Variants in DPP10 observed in about 807,000 individuals in gnomAD.
DPP10 encodes the protein inactive dipeptidyl peptidase 10.
A neutral mutation model predicts 120.9 loss-of-function variants in DPP10; 33 were observed. The ratio of observed to expected loss-of-function variants is 0.27; its 90% confidence interval spans 0.21 to 0.37. The LOEUF is 0.37. Among genes scored for constraint, DPP10 ranks in the 10% least tolerant of loss-of-function variants. The pLI is 1.00. For synonymous variants in DPP10, 337 were observed against 326.1 expected (o/e 1.03, Z -0.36); for missense variants, 816 against 942.8 (o/e 0.87, Z 1.76).
At chr2:114,884,257 G>A (rs973842919) in intron 1 of DPP10, among the ~76,000 whole-genome samples, 3 of 152,164 alleles carry the variant, frequency 2.0e-5, no homozygotes, top group African/African-American at 7.2e-5. Context: ...TCGTGAGATT[G>A]CTGTCAATAT....
intron 5 of DPP10, among the ~76,000 whole-genome samples, chr2:115,657,589 C>G (rs968971513): frequency 6.6e-6 from 1 of 151,706 alleles, no homozygotes; most frequent in Non-Finnish European, 1.5e-5. Context: ...TTCTAATGCT[C>G]AACCACCATT....
intron 1 of DPP10, chr2:114,461,478 T>A: frequency 1.4e-6 from 1 of 693,270 alleles, no homozygotes; most frequent in Non-Finnish European, 1.8e-6. Flanking sequence ...TACTTAGGAT[T>A]TGATTACCTG....
intron 5 of DPP10, among the ~76,000 whole-genome samples, chr2:115,616,227 G>A (rs760496811): frequency 3.6e-4 from 55 of 152,056 alleles, no homozygotes; most frequent in Admixed American, 1.2e-3. Context: ...CACTTTGTCA[G>A]TAAATAAATA....
At chr2:115,252,292 A>G (rs2058789832) in intron 1 of DPP10, among the ~76,000 whole-genome samples, 1 of 152,192 alleles carries the variant, frequency 6.6e-6, no homozygotes, top group Non-Finnish European at 1.5e-5. Flanking sequence ...CAGAGAACTC[A>G]TCCCTGTCCC....
At chr2:115,471,026 ATATCT>A (rs1385982598) in intron 3 of DPP10, among the ~76,000 whole-genome samples, 1 of 152,162 alleles carries the variant, frequency 6.6e-6, no homozygotes, top group Non-Finnish European at 1.5e-5. Context: ...TAAGTGATAA[ATATCT>A]TATGAGTTTT....
chr2:115,263,205 G>A, intron 1 of DPP10, among the ~76,000 whole-genome samples: 1 of 152,132 alleles, frequency 6.6e-6, no homozygotes. Context: ...GTATTAAAAT[G>A]TTTTAAATTT....
At chr2:114,848,700 G>A (rs1228097078) in intron 1 of DPP10, among the ~76,000 whole-genome samples, 1 of 152,196 alleles carries the variant, frequency 6.6e-6, no homozygotes, top group African/African-American at 2.4e-5. Flanking sequence ...TGGCTTATCA[G>A]AGGTTTGTTT....
At chr2:114,537,208 T>C (rs1686574525) in intron 1 of DPP10, among the ~76,000 whole-genome samples, 1 of 152,116 alleles carries the variant, frequency 6.6e-6, no homozygotes, top group Admixed American at 6.5e-5. Flanking sequence ...AGCTCAGGGA[T>C]GTGAGTTGGA....
chr2:115,838,939 C>T (rs1414981783), intron 24 of DPP10, among the ~76,000 whole-genome samples: 1 of 152,198 alleles, frequency 6.6e-6, no homozygotes, highest in East Asian at 1.9e-4. Context: ...TTCAATCACC[C>T]AGTCAAACCT....
chr2:115,028,613 T>C (rs935711249), intron 1 of DPP10, among the ~76,000 whole-genome samples: 3 of 151,956 alleles, frequency 2.0e-5, no homozygotes, highest in Non-Finnish European at 4.4e-5. Context: ...ACTCAGATGA[T>C]TATTTGTTGA....
intron 1 of DPP10, among the ~76,000 whole-genome samples, chr2:115,236,076 C>T (rs1431386557): frequency 1.3e-5 from 2 of 152,132 alleles, no homozygotes; most frequent in African/African-American, 4.8e-5. Context: ...CATACTCCCC[C>T]TCCAAACACA....
At chr2:115,018,823 G>A (rs538520943) in intron 1 of DPP10, among the ~76,000 whole-genome samples, 2 of 152,078 alleles carry the variant, frequency 1.3e-5, no homozygotes, top group Non-Finnish European at 2.9e-5. Flanking sequence ...CAACAAACCT[G>A]CGCATTCTGC....
At chr2:115,298,449 T>G (rs959590498) in intron 1 of DPP10, among the ~76,000 whole-genome samples, 2 of 152,074 alleles carry the variant, frequency 1.3e-5, no homozygotes, top group African/African-American at 4.8e-5. Context: ...GTTTCAGAAC[T>G]GTGTCACTCC....
intron 19 of DPP10, among the ~76,000 whole-genome samples, chr2:115,807,014 ATAATTT>A (rs1353399833): frequency 1.3e-5 from 2 of 152,114 alleles, no homozygotes; most frequent in Non-Finnish European, 2.9e-5. Flanking sequence ...TTAACCATGA[ATAATTT>A]AGGTATGACC....
At chr2:114,873,481 C>T (rs1349352962) in intron 1 of DPP10, among the ~76,000 whole-genome samples, 2 of 152,112 alleles carry the variant, frequency 1.3e-5, no homozygotes, top group East Asian at 1.9e-4. Context: ...AACACTACAG[C>T]TGCACAACTA....
At chr2:115,662,482 C>T (rs2089080185) in intron 5 of DPP10, among the ~76,000 whole-genome samples, 1 of 150,296 alleles carries the variant, frequency 6.7e-6, no homozygotes, top group Non-Finnish European at 1.5e-5. Flanking sequence ...ATGGTCATAC[C>T]AATTCACATT....
intron 5 of DPP10, among the ~76,000 whole-genome samples, chr2:115,574,348 T>C (rs752387771): frequency 7.2e-5 from 11 of 152,214 alleles, no homozygotes; most frequent in Non-Finnish European, 1.6e-4. Flanking sequence ...AAGAGGACTT[T>C]TTGTTTTTCT....
At chr2:114,555,484 T>G (rs1010564708) in intron 1 of DPP10, among the ~76,000 whole-genome samples, 4 of 152,154 alleles carry the variant, frequency 2.6e-5, no homozygotes, top group Non-Finnish European at 4.4e-5. Flanking sequence ...GAAATAACTG[T>G]ATGGGTATTT....
At chr2:115,305,394 C>T (rs533867675) in intron 1 of DPP10, among the ~76,000 whole-genome samples, 1 of 152,084 alleles carries the variant, frequency 6.6e-6, no homozygotes, top group South Asian at 2.1e-4. Flanking sequence ...ACTTTCTAAG[C>T]ACCTATTAAG....
Sources: gnomAD v4.1 joint callset for allele counts (sites outside exome capture counted in the v4.1 genomes callset) on GRCh38, gnomAD v4.1.1 for gene constraint, MANE v1.5 for transcripts, NCBI Gene and HGNC (gene_info 2026-07-23, HGNC 2026-07-21) for gene names.